KCNC1: variants seen among roughly 807,000 people sequenced by gnomAD.
KCNC1 encodes potassium voltage-gated channel subfamily C member 1, also known as voltage-gated potassium channel KCNC1.
A neutral mutation model predicts 43.4 loss-of-function variants in KCNC1; 8 were observed. The ratio of observed to expected loss-of-function variants is 0.18; its 90% CI spans 0.11 to 0.33. The LOEUF (loss-of-function observed/expected upper bound fraction) is 0.33, where lower values mean the gene tolerates loss of function less well. Among genes scored for constraint, KCNC1 ranks in the 10% least tolerant of loss-of-function variants. The pLI is 1.00. For synonymous variants in KCNC1, 361 were observed against 360.5 expected (o/e 1.00, Z -0.01); for missense variants, 420 against 836.0 (o/e 0.50, Z 6.14).
chr11:17,774,042 C>T, intron 2 of KCNC1: 1 of 985,512 alleles, frequency 1.0e-6, no homozygotes, highest in Non-Finnish European at 1.2e-6. Context: ...GGCTTTACCC[C>T]ACAGCTATGC....
chr11:17,735,890 C>T lies in KCNC1; in HGVS notation c.-113C>T. 8 of 1,246,008 alleles carry T rather than the reference C, an allele frequency of 6.4e-6. No individual in the cohort carries two copies. The highest frequency in any genetic ancestry group is 8.4e-6 in the Non-Finnish European group (8 of 954,640). 77.2% of individuals were successfully genotyped at this position (1,246,008 alleles called of 1,614,324 possible). ...AGCCGCAGGCCTCTGTTCCCCCCGA[C>T]GGCTGGGGGGAGGGGGGAAGAGGGC... On this transcript the variant is annotated 5_prime_UTR_variant, in exon 1 of 4. It adds an upstream start codon to the 5' untranslated region. Transcript: ENST00000265969. This position sits in a 1 kb window ranked among gnomAD's most constrained non-coding sequence, Gnocchi z 6.7.
chr11:17,768,615 G>GA (rs1554991041), intron 1 of KCNC1, among the ~76,000 whole-genome samples: 1 of 119,818 alleles, frequency 8.3e-6, no homozygotes, highest in African/African-American at 2.9e-5. Flanking sequence ...ATGTTGGTGG[G>GA]GGGGGGGGCG....
intron 1 of KCNC1, among the ~76,000 whole-genome samples, chr11:17,768,637 G>A (rs1460259202): frequency 2.0e-5 from 3 of 151,386 alleles, no homozygotes; most frequent in Non-Finnish European, 4.4e-5. Context: ...TTTGGGAATG[G>A]GATGTCCTGG....
At position 17,736,436 on chromosome 11, in the gene KCNC1, G is replaced by T. The variant is rs936522840; in HGVS notation, c.434G>T (p.Gly145Val). ...DADGPGDSGDGEDELEMTKRL... is the reference protein window; with the variant it reads ...DADGPGDSGDVEDELEMTKRL... The stretch of plus-strand genomic sequence containing the variant: ...GACGGCCCTGGCGACTCGGGCGACG[G>T]CGAGGACGAGCTGGAGATGACCAAG... Residue 145 changes from glycine to valine, a missense_variant, in exon 1 of 4, where the codon GGC becomes GTC. Gly to Val is a moderately radical substitution (Grantham distance 109). This residue lies in a region of KCNC1 where 151 missense variants were observed against 216.7 expected (regional missense o/e 0.70). Transcript: ENST00000265969. The surrounding 1 kb of genome is among the most constrained non-coding windows in gnomAD (Gnocchi z 9.3). 1.2e-6 allele frequency: 2 copies of T among 1,606,004 alleles called. No homozygotes were observed. The highest frequency in any genetic ancestry group is 1.7e-6 in the Non-Finnish European group (2 of 1,178,188).
At chr11:17,775,601 C>T (rs1463735098) in intron 2 of KCNC1, 7 of 985,490 alleles carry the variant, frequency 7.1e-6, no homozygotes, top group Non-Finnish European at 8.4e-6. Context: ...CCTGCATCTG[C>T]AGTCGGATGC....
chr11:17,762,301 G>GAA (rs1433704307), intron 1 of KCNC1, among the ~76,000 whole-genome samples: 1 of 152,244 alleles, frequency 6.6e-6, no homozygotes, highest in African/African-American at 2.4e-5. Context: ...TCCATGACTA[G>GAA]AAGATTCTAG....
rs143460354 is a variant in KCNC1, at chr11:17,735,241, A to C, written c.-762A>C. 1 of 151,518 alleles carries C rather than the reference A, an allele frequency of 6.6e-6. No individual in the cohort carries two copies. The highest frequency in any genetic ancestry group is 1.5e-5 in the Non-Finnish European group (1 of 67,788). 9.4% of individuals were successfully genotyped at this position (151,518 alleles called of 1,614,324 possible). A position where few individuals can be genotyped will look rare whatever the true frequency, so the allele number is the denominator to read the frequency against. On this transcript the variant is annotated 5_prime_UTR_variant, in exon 1 of 4. Coordinates refer to ENST00000265969, the MANE Select transcript of KCNC1 (RefSeq NM_001112741.2). This position sits in a 1 kb window ranked among gnomAD's most constrained non-coding sequence, Gnocchi z 6.7. Reference sequence around the variant, plus strand: ...AGCAACACCCCGGGTGCCCCTGCCCAGGGGGCCCGCCATCTCCTCCAGGAG... The same window carrying C: ...AGCAACACCCCGGGTGCCCCTGCCCCGGGGGCCCGCCATCTCCTCCAGGAG...
chr11:17,751,078 A>G (rs1162526169), intron 1 of KCNC1, among the ~76,000 whole-genome samples: 1 of 152,202 alleles, frequency 6.6e-6, no homozygotes, highest in Non-Finnish European at 1.5e-5. Context: ...TTGATGAGGG[A>G]AAAATGGCTC....
intron 1 of KCNC1, among the ~76,000 whole-genome samples, chr11:17,746,426 A>G (rs574276175): frequency 1.3e-4 from 20 of 151,788 alleles, no homozygotes; most frequent in African/African-American, 4.8e-4. Context: ...CCTACGTCCC[A>G]CTTGGTCCAG....
intron 1 of KCNC1, among the ~76,000 whole-genome samples, chr11:17,741,466 G>T (rs1042160897): frequency 6.6e-6 from 1 of 151,856 alleles, no homozygotes; most frequent in African/African-American, 2.4e-5. Flanking sequence ...AGACTCTCTC[G>T]TCTCCCTCCA....
rs1483602131 is a variant in KCNC1, at chr11:17,736,397, A to G, written c.395A>G (p.Asp132Gly). The G allele has an allele frequency of 6.2e-7, 1 of 1,609,822 alleles. No homozygotes were observed. Among genetic ancestry groups the G allele is most frequent in the South Asian group, 1.1e-5 (1 of 90,866 alleles). ...GGCGCTCCTCTGGACAACAGCGCCG[A>G]CGACGCGGACGCCGACGGCCCTGGC... ...FGGAPLDNSA[D>G]DADADGPGDS... Residue 132 changes from aspartate to glycine, a missense_variant, in exon 1 of 4, where the codon GAC becomes GGC. Asp to Gly is a moderately conservative substitution (Grantham distance 94). Transcript: ENST00000265969. The surrounding 1 kb of genome is among the most constrained non-coding windows in gnomAD (Gnocchi z 9.3).
chr11:17,737,239 C>T (rs1848778325), intron 1 of KCNC1, among the ~76,000 whole-genome samples: 1 of 152,058 alleles, frequency 6.6e-6, no homozygotes, highest in African/African-American at 2.4e-5. Flanking sequence ...TCCGTCTGAG[C>T]CCCCGATCCT....
At chr11:17,740,128 C>T (rs1218751138) in intron 1 of KCNC1, among the ~76,000 whole-genome samples, 3 of 152,240 alleles carry the variant, frequency 2.0e-5, no homozygotes, top group South Asian at 2.1e-4. Flanking sequence ...GCTACATAGT[C>T]GGGGCGGGAG....
intron 1 of KCNC1, among the ~76,000 whole-genome samples, chr11:17,763,864 AC>A: frequency 1.1e-5 from 1 of 90,874 alleles, no homozygotes; most frequent in South Asian, 4.2e-4. Flanking sequence ...CACACACCCC[AC>A]CACACATGCA....
intron 2 of KCNC1, chr11:17,774,226 T>TA (rs1476956568): frequency 1.0e-6 from 1 of 985,352 alleles, no homozygotes; most frequent in African/African-American, 1.7e-5. Flanking sequence ...ATTAGCTAGT[T>TA]ACTTGATTTC....
intron 1 of KCNC1, among the ~76,000 whole-genome samples, chr11:17,757,846 A>G (rs926731848): frequency 2.0e-5 from 3 of 152,234 alleles, no homozygotes; most frequent in African/African-American, 4.8e-5. Flanking sequence ...TCAGTGAGTC[A>G]TAATCTTTTT....
intron 1 of KCNC1, among the ~76,000 whole-genome samples, chr11:17,757,994 A>G (rs1309756852): frequency 6.6e-6 from 1 of 152,200 alleles, no homozygotes; most frequent in African/African-American, 2.4e-5. Context: ...TCTCCCTTTC[A>G]CAAAAGATTT....
intron 2 of KCNC1, chr11:17,774,255 T>A: frequency 3.0e-6 from 3 of 985,518 alleles, no homozygotes; most frequent in Non-Finnish European, 3.6e-6. Flanking sequence ...CCAACAGGGC[T>A]CTGGGCCTCT....
At chr11:17,756,567 A>C (rs1014093632) in intron 1 of KCNC1, among the ~76,000 whole-genome samples, 1 of 150,678 alleles carries the variant, frequency 6.6e-6, no homozygotes, top group Non-Finnish European at 1.5e-5. Flanking sequence ...ACGCATGTAC[A>C]TTGGGAGTCA....
Sources: gnomAD v4.1 joint callset for allele counts (sites outside exome capture counted in the v4.1 genomes callset) on GRCh38, gnomAD v4.1.1 for gene constraint, gnomAD v4.1.1 regional missense constraint, Gnocchi (gnomAD v3.1) non-coding constraint, MANE v1.5 for transcripts, NCBI Gene and HGNC (gene_info 2026-07-23, HGNC 2026-07-21) for gene names.